The following UBR3 variants were observed in gnomAD, a reference collection of about 807,000 sequenced individuals.
The protein encoded by UBR3 is E3 ubiquitin-protein ligase UBR3.
In UBR3, 85 loss-of-function variants were observed where a neutral mutation model predicts 243.2. That is an observed-to-expected ratio of 0.35 (90% CI 0.29 to 0.42). The LOEUF (loss-of-function observed/expected upper bound fraction) is 0.42. Ranked by LOEUF, UBR3 falls within the 10% of genes least tolerant of loss-of-function variation. The pLI is 1.00. For missense variants in UBR3, 1,686 were observed against 2,300.8 expected, an observed-to-expected ratio of 0.73 and a Z score of 5.47; for synonymous variants, 748 against 799.8, an observed-to-expected ratio of 0.94 and a Z score of 1.09.
rs146805200 is a variant in UBR3 at position 169,975,174 on chromosome 2, A to T, written c.3635-11471A>T. Among the ~76,000 whole-genome samples the T allele has an allele frequency of 5.6e-3, 854 of 152,310 alleles. 8 individuals are homozygous for T. The highest frequency in any genetic ancestry group is 0.019 in the African/African-American group (803 of 41,564). ...GACAGAGTGAGACCCTGTCTCAAAA[A>T]AACAACAACAAAAATTCCCTCTTAA... is the stretch of plus-strand genomic sequence containing the variant. On this transcript the variant is annotated intron_variant, in intron 24 of 38. Coordinates refer to ENST00000272793, the MANE Select transcript of UBR3 (RefSeq NM_172070.4).
intron 30 of UBR3, among the ~76,000 whole-genome samples, chr2:170,023,383 C>T (rs367664091): frequency 1.2e-3 from 174 of 150,830 alleles, no homozygotes; most frequent in Non-Finnish European, 1.7e-3. Flanking sequence ...AACAGTGGTA[C>T]GATTTAAGAT....
intron 1 of UBR3, among the ~76,000 whole-genome samples, chr2:169,832,611 A>C (rs569774280): frequency 6.6e-6 from 1 of 150,780 alleles, no homozygotes; most frequent in African/African-American, 2.4e-5. Context: ...CAGTTTTGCC[A>C]CTAGTGAGTA....
At chr2:170,060,826 A>G (rs933606857) in intron 33 of UBR3, among the ~76,000 whole-genome samples, 5 of 152,184 alleles carry the variant, frequency 3.3e-5, no homozygotes, top group East Asian at 1.9e-4. Flanking sequence ...CATGATTTAC[A>G]TATGTTTATT....
At chr2:169,859,395 T>C (rs1248628544) in intron 1 of UBR3, among the ~76,000 whole-genome samples, 4 of 152,092 alleles carry the variant, frequency 2.6e-5, no homozygotes, top group South Asian at 2.1e-4. Flanking sequence ...TAAAAAAATA[T>C]TTATTCTGTT....
intron 1 of UBR3, among the ~76,000 whole-genome samples, chr2:169,834,884 A>C (rs913185402): frequency 2.0e-5 from 3 of 152,248 alleles, no homozygotes; most frequent in African/African-American, 4.8e-5. Context: ...TAAACCTTGA[A>C]GACCTTATGC....
intron 29 of UBR3, among the ~76,000 whole-genome samples, chr2:170,012,700 A>G (rs2090122223): frequency 6.6e-6 from 1 of 151,114 alleles, no homozygotes; most frequent in Non-Finnish European, 1.5e-5. Flanking sequence ...CCCCTGAGAA[A>G]TTGAGTAACT....
chr2:169,963,320 G>A (rs1033845884), intron 24 of UBR3, among the ~76,000 whole-genome samples: 6 of 152,162 alleles, frequency 3.9e-5, no homozygotes, highest in African/African-American at 7.2e-5. Context: ...ACATTCTAAT[G>A]GATAGATCAA....
At chr2:169,842,573 G>A (rs1222741455) in intron 1 of UBR3, among the ~76,000 whole-genome samples, 1 of 152,090 alleles carries the variant, frequency 6.6e-6, no homozygotes, top group African/African-American at 2.4e-5. Flanking sequence ...GTGAAGATCT[G>A]CAGCTTCACT....
In UBR3 at chr2:169,994,189, T is replaced by G. The variant is rs193107957; in HGVS notation, c.3785-134T>G. ...AGGAGAAAACTAGAATACCACTTTT[T>G]TGAGGGGTCTTTAAAAATATTCTAA... is the stretch of plus-strand genomic sequence containing the variant. On this transcript the variant is annotated intron_variant, in intron 25 of 38. Coordinates refer to ENST00000272793, the MANE Select transcript of UBR3 (RefSeq NM_172070.4). 1.1e-3 allele frequency: 1,139 copies of G among 1,009,858 alleles called. 2 individuals carry two copies. Among genetic ancestry groups the G allele is most frequent in the Non-Finnish European group, 1.5e-3 (1,041 of 707,560 alleles). 62.6% of individuals were successfully genotyped at this position (1,009,858 alleles called of 1,614,324 possible).
At chr2:169,944,564 T>C (rs2086714544) in intron 20 of UBR3, among the ~76,000 whole-genome samples, 2 of 152,192 alleles carry the variant, frequency 1.3e-5, no homozygotes, top group African/African-American at 4.8e-5. Flanking sequence ...AATAATAAAG[T>C]TCTCCATTGA....
At chr2:169,838,390 TGTGTGTGTG>T (rs2082181157) in intron 1 of UBR3, among the ~76,000 whole-genome samples, 3 of 2,430 alleles carry the variant, frequency 1.2e-3, no homozygotes, top group African/African-American at 1.5e-3. Flanking sequence ...AAGGCATTTG[TGTGTGTGTG>T]TGTGTGTGTG....
At chr2:169,856,819 G>A (rs1180973264) in intron 1 of UBR3, among the ~76,000 whole-genome samples, 2 of 148,856 alleles carry the variant, frequency 1.3e-5, no homozygotes, top group Admixed American at 6.7e-5. Flanking sequence ...GAGGGAGACC[G>A]TGCAAAGGGG....
chr2:169,978,838 T>G (rs1406921922), intron 24 of UBR3, among the ~76,000 whole-genome samples: 1 of 151,984 alleles, frequency 6.6e-6, no homozygotes, highest in Non-Finnish European at 1.5e-5. Context: ...GTTTGACCTG[T>G]ATGGAGGAAT....
intron 5 of UBR3, among the ~76,000 whole-genome samples, chr2:169,881,972 TTATATTA>T (rs2083878297): frequency 4.0e-5 from 4 of 100,920 alleles, no homozygotes; most frequent in Non-Finnish European, 8.3e-5. Context: ...ACATATGTAA[TTATATTA>T]TATATGTATA....
chr2:169,949,471 A>T, intron 22 of UBR3, 134 bp from the exon 23 acceptor site: 1 of 837,364 alleles, frequency 1.2e-6, no homozygotes, highest in Non-Finnish European at 1.8e-6. Flanking sequence ...AAATTTATTT[A>T]AAGAGCAAAT....
intron 35 of UBR3, among the ~76,000 whole-genome samples, chr2:170,063,862 T>C (rs1224107821): frequency 6.6e-6 from 1 of 152,218 alleles, no homozygotes; most frequent in African/African-American, 2.4e-5. Flanking sequence ...TTCTTTAATA[T>C]AAAGTTTCTC....
chr2:170,047,706 A>G (rs1179513542), intron 32 of UBR3, among the ~76,000 whole-genome samples: 1 of 152,222 alleles, frequency 6.6e-6, no homozygotes, highest in African/African-American at 2.4e-5. Flanking sequence ...ACTTTGGTCC[A>G]AAAAGAGTAA....
chr2:169,886,071 C>T (rs545445264), intron 5 of UBR3, among the ~76,000 whole-genome samples: 2 of 151,122 alleles, frequency 1.3e-5, no homozygotes, highest in Non-Finnish European at 2.9e-5. Flanking sequence ...GCAGGAGAAT[C>T]GCTTGAACCC....
At chr2:169,836,096 G>A (rs1395053321) in intron 1 of UBR3, among the ~76,000 whole-genome samples, 1 of 13,694 alleles carries the variant, frequency 7.3e-5, no homozygotes, top group African/African-American at 1.6e-4. Context: ...TTTTTTTTGA[G>A]ATGGAAACTC....
Sources: allele counts gnomAD v4.1 joint callset (sites outside exome capture counted in the v4.1 genomes callset), GRCh38; gene constraint gnomAD v4.1.1; transcripts MANE v1.5; gene names NCBI Gene and HGNC (gene_info 2026-07-23, HGNC 2026-07-21).